The following HDAC3 variants were observed in gnomAD, a reference collection of about 807,000 sequenced individuals.
HDAC3 encodes the protein histone deacetylase 3.
HDAC3 carries 21 observed loss-of-function variants against 62.3 expected under a neutral mutation model. The observed-to-expected ratio is 0.34, with a 90% CI of 0.24 to 0.49. The LOEUF is 0.49. HDAC3 is among the 20% of genes least tolerant of loss of function. The pLI, the probability that HDAC3 is intolerant of heterozygous loss-of-function variation, is 0.99. For synonymous variants in HDAC3, 198 were observed against 206.5 expected, an observed-to-expected ratio of 0.96 and a Z score of 0.35; for missense variants, 270 against 556.9, an observed-to-expected ratio of 0.48 and a Z score of 5.19.
chr5:141,623,311 C>A (rs1422821680), intron 14 of HDAC3, among the ~76,000 whole-genome samples: 1 of 152,108 alleles, frequency 6.6e-6, no homozygotes, highest in Non-Finnish European at 1.5e-5. Context: ...CTTCCTATTT[C>A]TACTCTGCAA....
In HDAC3 at chr5:141,621,430, A is replaced by C. The variant is rs772805830; in HGVS notation, c.*38T>G. 3.8e-6 allele frequency: 6 copies of C among 1,594,538 alleles called. No homozygotes were observed. Among genetic ancestry groups the C allele is most frequent in the Non-Finnish European group, 5.2e-6 (6 of 1,162,290 alleles). ...TTCCCTCCAGCCCAACCAAGAGGTG[A>C]AAAGAAATTCCTTGGGACACAGCAT... On this transcript the variant is annotated 3_prime_UTR_variant, in exon 15 of 15. Coordinates refer to ENST00000305264, the MANE Select transcript of HDAC3 (RefSeq NM_003883.4).
intron 2 of HDAC3, chr5:141,636,341 G>A (rs1228186636): frequency 8.3e-6 from 5 of 600,106 alleles, no homozygotes; most frequent in Admixed American, 2.8e-5. Context: ...TCAGAGGGTG[G>A]CCGACCTGAG....
chr5:141,625,970 G>A lies in HDAC3; in HGVS notation c.979+43C>T, dbSNP rs1220359291. On this transcript the variant is annotated intron_variant, in intron 12 of 14. Transcript: ENST00000305264. This position sits in a 1 kb window ranked among gnomAD's most constrained non-coding sequence, Gnocchi z 4.0. ...ACCAGGTCATTCTGGAATCTGGTGA[G>A]AATGGCCTTCCTGTTATGGGGGTGT... 2 of 1,547,180 alleles carry A rather than the reference G, an allele frequency of 1.3e-6. No individual in the cohort carries two copies. Among genetic ancestry groups the A allele is most frequent in the Non-Finnish European group, 1.8e-6 (2 of 1,118,992 alleles).
Position 141,621,384 on chromosome 5 carries a change from G to T in HDAC3, c.*84C>A. 1 of 1,280,618 alleles carries T rather than the reference G, an allele frequency of 7.8e-7. No homozygotes were observed. Among genetic ancestry groups the T allele is most frequent in the Non-Finnish European group, 1.1e-6 (1 of 878,062 alleles). The allele number at this position is 1,280,618 out of a possible 1,614,324, so 79.3% of individuals were successfully genotyped here. A position where few individuals can be genotyped will look rare whatever the true frequency, so the allele number is the denominator to read the frequency against. On this transcript the variant is annotated 3_prime_UTR_variant, in exon 15 of 15. Coordinates refer to ENST00000305264, the MANE Select transcript of HDAC3 (RefSeq NM_003883.4). ...AGCAAAAGCCCTGGGGTGACCCCCA[G>T]GACTCTAGGAGCCACTCCTTTTCCC...
rs755624472 is a variant in HDAC3, at chr5:141,636,636, G to A, written c.56-6C>T. ...CTTCATAGGGTGTCCAGCTCCTGGG[G>A]GTGGGGAGAAGAGAGTTCGTCAGCT... On this transcript the variant is annotated splice_region_variant and splice_polypyrimidine_tract_variant and intron_variant, in intron 1 of 14. Transcript: ENST00000305264. 3 of 1,614,056 alleles carry A rather than the reference G, an allele frequency of 1.9e-6. No individual in the cohort carries two copies. The highest frequency in any genetic ancestry group is 2.2e-5 in the South Asian group (2 of 91,084).
At chr5:141,634,068 G>A (rs1012965775) in intron 3 of HDAC3, among the ~76,000 whole-genome samples, 3 of 152,130 alleles carry the variant, frequency 2.0e-5, no homozygotes, top group African/African-American at 7.2e-5. Context: ...TCCCCAGAGG[G>A]TCTAACCCTG....
intron 3 of HDAC3, among the ~76,000 whole-genome samples, chr5:141,633,714 T>C (rs1187642956): frequency 6.7e-6 from 1 of 150,260 alleles, no homozygotes; most frequent in Non-Finnish European, 1.5e-5. Flanking sequence ...TAATCCCAGC[T>C]ACTCGGGAGT....
rs921211833 is a variant in HDAC3, at chr5:141,626,982, T to C, written c.831-699A>G. The stretch of plus-strand genomic sequence containing the variant: ...CAGAATTGTCACTTTCAAACACAAA[T>C]TGGATCATGTCACTTTCCTGCTTAA... On this transcript the variant is annotated intron_variant, in intron 10 of 14. Transcript: ENST00000305264. This position sits in a 1 kb window ranked among gnomAD's most constrained non-coding sequence, Gnocchi z 4.6. 1.3e-5 allele frequency among the ~76,000 whole-genome samples: 2 copies of C among 151,988 alleles called. No homozygotes were observed. The highest frequency in any genetic ancestry group is 2.9e-5 in the Non-Finnish European group (2 of 67,984).
At position 141,621,112 on chromosome 5, in the gene HDAC3, C is replaced by G; in HGVS notation, c.*356G>C. 1 of 255,148 alleles carries G rather than the reference C, an allele frequency of 3.9e-6. No homozygotes were observed. Among genetic ancestry groups the G allele is most frequent in the Non-Finnish European group, 7.6e-6 (1 of 131,142 alleles). The allele number at this position is 255,148 out of a possible 1,614,324, so 15.8% of individuals were successfully genotyped here. On this transcript the variant is annotated 3_prime_UTR_variant, in exon 15 of 15. Transcript: ENST00000305264. ...ACCCAGGGGAGGAGGAAGTCAGAGG[C>G]AATCTCAGTCCTTGTCTACCCGTTC... is the stretch of plus-strand genomic sequence containing the variant.
At chr5:141,621,643 C>G in intron 14 of HDAC3, 106 bp from the exon 15 acceptor site, 1 of 835,008 alleles carries the variant, frequency 1.2e-6, no homozygotes, top group Non-Finnish European at 2.0e-6. Flanking sequence ...ACCACTCCTC[C>G]TCTTGTTGGT....
In HDAC3 at chr5:141,626,782, GTGTATA is replaced by G. The variant is rs1471817477; in HGVS notation, c.831-505_831-500del. ...AAAACATATATATGTGTGTGTGTGT[GTGTATA>G]TATATATATATACACACACACACAC... is the stretch of plus-strand genomic sequence containing the variant. On this transcript the variant is annotated intron_variant, in intron 10 of 14. Coordinates refer to ENST00000305264, the MANE Select transcript of HDAC3 (RefSeq NM_003883.4). This position sits in a 1 kb window ranked among gnomAD's most constrained non-coding sequence, Gnocchi z 4.6. Among the ~76,000 whole-genome samples the G allele has an allele frequency of 1.6e-5, 2 of 126,390 alleles. No individual in the cohort carries two copies. Among genetic ancestry groups the G allele is most frequent in the Non-Finnish European group, 3.4e-5 (2 of 58,232 alleles). The allele number at this position is 126,390 out of a possible 152,430, so 82.9% of individuals were successfully genotyped here.
chr5:141,624,530 C>G (rs2099904182), intron 14 of HDAC3, among the ~76,000 whole-genome samples: 2 of 144,438 alleles, frequency 1.4e-5, no homozygotes, highest in South Asian at 4.4e-4. Flanking sequence ...GTACTCCAGC[C>G]TGGGTGACAG....
Position 141,625,272 on chromosome 5 carries a change from G to C in HDAC3, c.1153C>G (p.Leu385Val). 1 of 1,614,134 alleles carries C rather than the reference G, an allele frequency of 6.2e-7. No homozygotes were observed. Among genetic ancestry groups the C allele is most frequent in the Non-Finnish European group, 8.5e-7 (1 of 1,179,992 alleles). Residue 385 changes from leucine to valine, a missense_variant, in exon 14 of 15, where the codon CTG (leucine) becomes GTG (valine). Leu to Val is a conservative substitution (Grantham distance 32, BLOSUM62 1). Around this residue, in one of 5 missense-constraint regions of HDAC3, gnomAD observed 44 missense variants for 64.3 expected, o/e 0.68. Transcript: ENST00000305264. This position sits in a 1 kb window ranked among gnomAD's most constrained non-coding sequence, Gnocchi z 4.0. The stretch of plus-strand genomic sequence containing the variant: ...GCCTCATCAGTCCTGTCATAGGTCA[G>C]GAGGTCTGCAGGCACGTCATGAATC... ...VQIHDVPADL[L>V]TYDRTDEADA...
chr5:141,629,377 T>A lies in HDAC3; in HGVS notation c.477-71A>T, dbSNP rs372048330. 1.4e-5 allele frequency: 22 copies of A among 1,600,448 alleles called. No homozygotes were observed. The highest frequency in any genetic ancestry group is 1.2e-4 in the Admixed American group (7 of 59,532). Reference sequence around the variant, plus strand: ...CAACCCACTCCTCTCAAACACCGGGTCTCGAATTGTGAAGAGTCTGCTTCT... The same window carrying A: ...CAACCCACTCCTCTCAAACACCGGGACTCGAATTGTGAAGAGTCTGCTTCT... On this transcript the variant is annotated intron_variant, in intron 6 of 14. Coordinates refer to ENST00000305264, the MANE Select transcript of HDAC3 (RefSeq NM_003883.4). This position sits in a 1 kb window ranked among gnomAD's most constrained non-coding sequence, Gnocchi z 5.3.
intron 14 of HDAC3, among the ~76,000 whole-genome samples, chr5:141,623,129 AAAG>A (rs2099903941): frequency 6.6e-6 from 1 of 152,162 alleles, no homozygotes; most frequent in African/African-American, 2.4e-5. Context: ...GTCTCAAAAA[AAAG>A]AAAGAAAGAA....
intron 9 of HDAC3, 43 bp from the exon 10 acceptor site, chr5:141,628,000 G>T: frequency 6.2e-7 from 1 of 1,608,960 alleles, no homozygotes; most frequent in African/African-American, 1.3e-5. Context: ...GATCAGAACT[G>T]ATCAGAACAT....
In HDAC3 at chr5:141,625,624, G is replaced by T; in HGVS notation, c.1059+61C>A. On this transcript the variant is annotated intron_variant, in intron 13 of 14. Coordinates refer to ENST00000305264, the MANE Select transcript of HDAC3 (RefSeq NM_003883.4). This position sits in a 1 kb window ranked among gnomAD's most constrained non-coding sequence, Gnocchi z 4.0. The stretch of plus-strand genomic sequence containing the variant: ...GGTTTTTCCTACTTCCCACATCTTT[G>T]ACCTCTCCTGGGCTCCACCTTTCAG... The T allele has an allele frequency of 6.7e-7, 1 of 1,502,852 alleles. No individual in the cohort carries two copies. The highest frequency in any genetic ancestry group is 9.3e-7 in the Non-Finnish European group (1 of 1,078,878). The allele number at this position is 1,502,852 out of a possible 1,614,324, so 93.1% of individuals were successfully genotyped here.
intron 3 of HDAC3, among the ~76,000 whole-genome samples, chr5:141,630,412 G>A (rs2099905022): frequency 6.6e-6 from 1 of 152,212 alleles, no homozygotes; most frequent in South Asian, 2.1e-4. Context: ...CAAGTACAAT[G>A]TAAAAAGGAA....
chr5:141,636,803 A>T lies in HDAC3; in HGVS notation c.-13T>A. ...CGGTCTTGGCCATGGTGCCGGCGGG[A>T]GCAGGCCCCGCACCTCCGCCGCCCG... On this transcript the variant is annotated 5_prime_UTR_variant, in exon 1 of 15. Coordinates refer to ENST00000305264, the MANE Select transcript of HDAC3 (RefSeq NM_003883.4). 2 of 1,590,744 alleles carry T rather than the reference A, an allele frequency of 1.3e-6. No homozygotes were observed. Among genetic ancestry groups the T allele is most frequent in the Non-Finnish European group, 1.7e-6 (2 of 1,168,040 alleles).
Sources: gnomAD v4.1 joint callset for allele counts (sites outside exome capture counted in the v4.1 genomes callset) on GRCh38, gnomAD v4.1.1 for gene constraint, gnomAD v4.1.1 regional missense constraint, Gnocchi (gnomAD v3.1) non-coding constraint, MANE v1.5 for transcripts, NCBI Gene and HGNC (gene_info 2026-07-23, HGNC 2026-07-21) for gene names.